The following TMEM213 variants were observed in gnomAD, a reference collection of about 807,000 sequenced individuals.
TMEM213 encodes transmembrane protein 213.
TMEM213 carries 7 observed loss-of-function variants against 11.6 expected under a neutral mutation model. The observed-to-expected ratio is 0.60, with a 90% confidence interval of 0.34 to 1.13. The LOEUF (loss-of-function observed/expected upper bound fraction) is 1.13, where lower values mean the gene tolerates loss of function less well. Among genes scored for constraint, TMEM213 ranks in the 50% most tolerant of loss-of-function variants. TMEM213 has a pLI of 0.03. For missense variants in TMEM213, 129 were observed against 139.0 expected, an observed-to-expected ratio of 0.93 and a Z score of 0.36; for synonymous variants, 60 against 58.3, an observed-to-expected ratio of 1.03 and a Z score of -0.13.
At position 138,798,113 on chromosome 7, in the gene TMEM213, C is replaced by A. The variant is rs757961524; in HGVS notation, c.9C>A (p.Arg3=). The A allele has an allele frequency of 2.5e-5, 40 of 1,598,446 alleles. No individual in the cohort carries two copies. Among genetic ancestry groups the A allele is most frequent in the Non-Finnish European group, 3.1e-5 (36 of 1,173,254 alleles). MQ[R]LPAATRATLI... The stretch of plus-strand genomic sequence containing the variant: ...TCAGCACAGCCTCCAGCATGCAGCG[C>A]CTCCCCGCTGCCACCCGGGCCACCC... Residue 3 remains arginine, a synonymous_variant, in exon 1 of 3, where the codon CGC becomes CGA. Transcript: ENST00000442682.
At chr7:138,799,199 T>C (rs1808844687) in intron 1 of TMEM213, 1 of 152,288 alleles carries the variant, frequency 6.6e-6, no homozygotes, top group African/African-American at 2.4e-5. Context: ...GTAAAGAACT[T>C]AGAAATAGCC....
Position 138,798,182 on chromosome 7 carries a change from G to A in TMEM213, c.78G>A (p.Ser26=), listed in dbSNP as rs764980419. The change falls in exon 1 of 3, where the codon TCG becomes TCA. Residue 26 remains serine (S), a synonymous_variant. Coordinates refer to ENST00000442682, the MANE Select transcript of TMEM213 (RefSeq NM_001085429.2). ...LAFASLHSAC[S]AEASSSNSSS... The stretch of plus-strand genomic sequence containing the variant: ...TTGCCTCCCTCCACTCGGCTTGCTC[G>A]GCAGGTAGCGTTATGAGCTTTATTC... 3.1e-6 allele frequency: 5 copies of A among 1,590,414 alleles called. No individual in the cohort carries two copies. Among genetic ancestry groups the A allele is most frequent in the East Asian group, 2.3e-5 (1 of 43,762 alleles).
At chr7:138,799,798 C>T (rs199659976) in intron 1 of TMEM213, among the ~76,000 whole-genome samples, 3 of 152,128 alleles carry the variant, frequency 2.0e-5, no homozygotes, top group South Asian at 2.1e-4. Flanking sequence ...CAGATTGCAT[C>T]GAGGCAATTA....
Position 138,798,191 on chromosome 7 carries a change from C to G in TMEM213, c.82+5C>G, listed in dbSNP as rs1417734001. ...TCCACTCGGCTTGCTCGGCAGGTAG[C>G]GTTATGAGCTTTATTCATGGCCAGG... On this transcript the variant is annotated splice_donor_5th_base_variant and intron_variant, in intron 1 of 2. Transcript: ENST00000442682. 1 of 1,585,394 alleles carries G rather than the reference C, an allele frequency of 6.3e-7. No individual in the cohort carries two copies. The highest frequency in any genetic ancestry group is 1.8e-5 in the Admixed American group (1 of 54,854).
chr7:138,798,280 C>A (rs1337495324), intron 1 of TMEM213, 94 bp downstream of exon 1: 33 of 1,064,204 alleles, frequency 3.1e-5, no homozygotes, highest in Non-Finnish European at 3.7e-5. Context: ...GGGGAAGATT[C>A]TTTGGCCAGG....
chr7:138,800,996 G>A (rs1013570752), intron 1 of TMEM213, among the ~76,000 whole-genome samples: 10 of 151,990 alleles, frequency 6.6e-5, no homozygotes, highest in African/African-American at 2.4e-4. Flanking sequence ...ACTGCACCTG[G>A]CCTCTTCCTC....
chr7:138,801,358 C>T lies in TMEM213; in HGVS notation c.114C>T (p.Thr38=), dbSNP rs530112772. 12 of 1,611,614 alleles carry T rather than the reference C, an allele frequency of 7.4e-6. No individual in the cohort carries two copies. The highest frequency in any genetic ancestry group is 4.5e-5 in the East Asian group (2 of 44,798). The change falls in exon 2 of 3, where the codon ACC becomes ACT. Residue 38 remains threonine (T), a synonymous_variant. Transcript: ENST00000442682. ...EASSSNSSSL[T]AHHPDPGTLE... is the part of the protein sequence containing the mutation. ...GCAGCAGCAACAGCTCAAGCTTGAC[C>T]GCTCACCACCCAGACCCTGGGACCC...
At chr7:138,799,031 GC>G (rs1808834805) in intron 1 of TMEM213, among the ~76,000 whole-genome samples, 1 of 152,108 alleles carries the variant, frequency 6.6e-6, no homozygotes, top group Admixed American at 6.5e-5. Flanking sequence ...TTCAAGACGT[GC>G]ACTCTTGAGC....
In TMEM213 at chr7:138,800,695, CTTCTTCTTCT is replaced by C. The variant is rs1409037188; in HGVS notation, c.83-629_83-620del. Among the ~76,000 whole-genome samples, 290 of 88,970 alleles carry C rather than the reference CTTCTTCTTCT, an allele frequency of 3.3e-3. 7 individuals are homozygous for C. The East Asian group carries it at 0.084, about 26-fold the overall frequency. 58.4% of individuals were successfully genotyped at this position (88,970 alleles called of 152,430 possible). ...GCTGATGTTTCTTCTTCTTCTTCTTCTTCTTCTTCTTTTTTTTTTTTTTTTAGACGGAGTT... is the reference window on the plus strand; with the variant it reads ...GCTGATGTTTCTTCTTCTTCTTCTTCTTTTTTTTTTTTTTTAGACGGAGTT... On this transcript the variant is annotated intron_variant, in intron 1 of 2. Coordinates refer to ENST00000442682, the MANE Select transcript of TMEM213 (RefSeq NM_001085429.2).
At chr7:138,798,828 C>T (rs2130257666) in intron 1 of TMEM213, among the ~76,000 whole-genome samples, 1 of 152,266 alleles carries the variant, frequency 6.6e-6, no homozygotes, top group African/African-American at 2.4e-5. Context: ...CAACTCACGG[C>T]AGAGGGACCT....
chr7:138,798,407 G>A, intron 1 of TMEM213: 1 of 562,366 alleles, frequency 1.8e-6, no homozygotes, highest in African/African-American at 1.9e-5. Flanking sequence ...ACGGAGATCA[G>A]ATACTCAATT....
At position 138,804,304 on chromosome 7, in the gene TMEM213, A is replaced by G. The variant is rs540169627; in HGVS notation, c.*1235A>G. The G allele has an allele frequency of 6.6e-6, 1 of 152,520 alleles. No individual in the cohort carries two copies. The highest frequency in any genetic ancestry group is 2.4e-5 in the African/African-American group (1 of 41,562). The allele number at this position is 152,520 out of a possible 1,614,324, so 9.4% of individuals were successfully genotyped here. ...GAGGAGTCCATCTGTCCCCCAGCAC[A>G]TCCAGGAGTAAGGATTCCGACTGGT... On this transcript the variant is annotated 3_prime_UTR_variant, in exon 3 of 3. Coordinates refer to ENST00000442682, the MANE Select transcript of TMEM213 (RefSeq NM_001085429.2).
At chr7:138,798,686 G>A (rs1229153949) in intron 1 of TMEM213, among the ~76,000 whole-genome samples, 1 of 152,100 alleles carries the variant, frequency 6.6e-6, no homozygotes. Context: ...ACTGCCAGGA[G>A]GGCTGCCATT....
rs1252373755 is a variant in TMEM213 at position 138,803,768 on chromosome 7, A to T, written c.*699A>T. The T allele has an allele frequency of 1.7e-5, 2 of 118,098 alleles. No homozygotes were observed. Among genetic ancestry groups the T allele is most frequent in the Middle Eastern group, 6.5e-3 (1 of 154 alleles). The allele number at this position is 118,098 out of a possible 1,614,324, so 7.3% of individuals were successfully genotyped here. On this transcript the variant is annotated 3_prime_UTR_variant, in exon 3 of 3. Transcript: ENST00000442682. ...ACTCCAGCCTGGGCGGCAGAGCAAG[A>T]CTCTGTATCAGAAAAAAAAAAAAAA... is the stretch of plus-strand genomic sequence containing the variant.
chr7:138,800,378 T>C lies in TMEM213; in HGVS notation c.83-949T>C, dbSNP rs114977712. On this transcript the variant is annotated intron_variant, in intron 1 of 2. Transcript: ENST00000442682. ...TGGACAGGAACCTGGATGCCTCAGA[T>C]CCCTAACCCAATCCCACACCTCAAG... 6.2e-3 allele frequency among the ~76,000 whole-genome samples: 943 copies of C among 152,282 alleles called. 10 individuals carry two copies. The highest frequency in any genetic ancestry group is 0.021 in the African/African-American group (893 of 41,542).
rs374757108 is a variant in TMEM213, at chr7:138,803,073, C to A, written c.*4C>A. Reference sequence around the variant, plus strand: ...GCCCAAGGACTTGCAAGCGTGAGACCCAGGCTCGGTGCACAAAATGGTGAT... The same window carrying A: ...GCCCAAGGACTTGCAAGCGTGAGACACAGGCTCGGTGCACAAAATGGTGAT... On this transcript the variant is annotated 3_prime_UTR_variant, in exon 3 of 3. Transcript: ENST00000442682. 1.3e-5 allele frequency: 21 copies of A among 1,612,026 alleles called. No homozygotes were observed. The highest frequency in any genetic ancestry group is 1.7e-5 in the Non-Finnish European group (20 of 1,179,468).
At chr7:138,801,208 C>T (rs747307171) in intron 1 of TMEM213, 119 bp from the exon 2 acceptor site, 72 of 915,804 alleles carry the variant, frequency 7.9e-5, no homozygotes, top group Middle Eastern at 2.1e-4. Context: ...TATGCCCATG[C>T]GGGAGCTTCT....
At chr7:138,802,786 G>T in intron 2 of TMEM213, 114 bp from the exon 3 acceptor site, 1 of 1,103,326 alleles carries the variant, frequency 9.1e-7, no homozygotes, top group Admixed American at 3.0e-5. Context: ...GCACGTAGTA[G>T]GCCTCATCAG....
At chr7:138,800,621 C>T (rs551818352) in intron 1 of TMEM213, among the ~76,000 whole-genome samples, 6 of 151,946 alleles carry the variant, frequency 3.9e-5, no homozygotes, top group East Asian at 1.9e-4. Context: ...TGCAAATAGA[C>T]GCCTTCTCAC....
Sources: allele counts gnomAD v4.1 joint callset (sites outside exome capture counted in the v4.1 genomes callset), GRCh38; gene constraint gnomAD v4.1.1; transcripts MANE v1.5; gene names NCBI Gene and HGNC (gene_info 2026-07-23, HGNC 2026-07-21).